TNS1: variants seen among roughly 807,000 people sequenced by gnomAD.
TNS1 encodes tensin-1.
TNS1 carries 62 observed loss-of-function variants against 168.6 expected under a neutral mutation model. The ratio of observed to expected loss-of-function variants is 0.37; its 90% CI spans 0.30 to 0.45. The LOEUF (loss-of-function observed/expected upper bound fraction) is 0.45. Among genes scored for constraint, TNS1 ranks in the 20% least tolerant of loss-of-function variants. The pLI, the probability that TNS1 is intolerant of heterozygous loss-of-function variation, is 1.00. For missense variants in TNS1, 2,240 were observed against 2,339.4 expected (o/e 0.96, Z 0.88); for synonymous variants, 934 against 933.2 (o/e 1.00, Z -0.02).
At chr2:217,893,811 C>T (rs1255975260) in intron 9 of TNS1, among the ~76,000 whole-genome samples, 1 of 152,236 alleles carries the variant, frequency 6.6e-6, no homozygotes, top group Non-Finnish European at 1.5e-5. Flanking sequence ...ACTGTGGGGC[C>T]TTAGGCCTCA....
rs1271757485 is a variant in TNS1, at chr2:217,800,807, A to T, written c.*3652T>A. ...GGTGGTGGACAAAAGTAGGAGTGAG[A>T]CTAAAAAGTGGGAGTGAGACTAGAT... is the stretch of plus-strand genomic sequence containing the variant. On this transcript the variant is annotated 3_prime_UTR_variant, in exon 33 of 33. Transcript: ENST00000682258. 2 of 152,008 alleles carry T rather than the reference A, an allele frequency of 1.3e-5. No individual in the cohort carries two copies. Among genetic ancestry groups the T allele is most frequent in the African/African-American group, 2.4e-5 (1 of 41,374 alleles). 9.4% of individuals were successfully genotyped at this position (152,008 alleles called of 1,614,324 possible).
At chr2:217,920,151 G>A (rs11883690) in intron 4 of TNS1, 44 bp downstream of exon 4, 1 of 702,876 alleles carries the variant, frequency 1.4e-6, no homozygotes, top group Non-Finnish European at 2.6e-6. Flanking sequence ...GCTGCGGAGG[G>A]AGAGGAGGCA....
chr2:217,842,222 A>C, intron 19 of TNS1: 1 of 636,658 alleles, frequency 1.6e-6, no homozygotes, highest in Non-Finnish European at 2.8e-6. Context: ...TGGTATGTAC[A>C]CGTCAACAAT....
chr2:217,886,537 C>G lies in TNS1; in HGVS notation c.976G>C (p.Gly326Arg). 6.3e-7 allele frequency: 1 copy of G among 1,593,848 alleles called. No individual in the cohort carries two copies. Among genetic ancestry groups the G allele is most frequent in the African/African-American group, 1.3e-5 (1 of 74,898 alleles). ...MHGIPNFESK[G>R]GCRPFLRIYQ... Reference sequence around the variant, plus strand: ...TCAGAGGGCTCAAGGCAGGTACCTCCTTTAGACTCAAAGTTGGGGATGCCG... The same window carrying G: ...TCAGAGGGCTCAAGGCAGGTACCTCGTTTAGACTCAAAGTTGGGGATGCCG... The change falls in exon 13 of 33, where the codon GGA (glycine) becomes CGA (arginine). Residue 326 changes from glycine (G) to arginine (R), a missense_variant. Around this residue, in one of 2 missense-constraint regions of TNS1, gnomAD observed 2,131 missense variants for 2,171.2 expected, o/e 0.98. Coordinates refer to ENST00000682258, the MANE Select transcript of TNS1 (RefSeq NM_001387777.1).
At chr2:217,826,806 C>T (rs1485620130) in intron 22 of TNS1, among the ~76,000 whole-genome samples, 2 of 152,190 alleles carry the variant, frequency 1.3e-5, no homozygotes, top group Non-Finnish European at 2.9e-5. Context: ...TGGCTGCTGG[C>T]GGTGAAGAGC....
intron 3 of TNS1, chr2:217,944,189 C>CCTTTAACCCCTGCAGTGCTCTG (rs1957042346): frequency 6.6e-6 from 1 of 152,452 alleles, no homozygotes; most frequent in Non-Finnish European, 1.5e-5. Context: ...GCCATGGCCT[C>CCTTTAACCCCTGCAGTGCTCTG]CTTTAACCCC....
chr2:217,830,297 A>G, intron 22 of TNS1: 1 of 1,601,416 alleles, frequency 6.2e-7, no homozygotes, highest in Non-Finnish European at 8.5e-7. Flanking sequence ...CCATGCCGAC[A>G]CTCTGAGTGG....
intron 1 of TNS1, among the ~76,000 whole-genome samples, chr2:218,002,247 G>T (rs1169092578): frequency 6.6e-6 from 1 of 152,200 alleles, no homozygotes. Flanking sequence ...GCGGGCCATG[G>T]CTCCCTCCTC....
chr2:218,013,255 CAA>C (rs34465614), upstream of TNS1, among the ~76,000 whole-genome samples: 27 of 132,592 alleles, frequency 2.0e-4, no homozygotes, highest in East Asian at 4.3e-4. Context: ...GACTCTATCT[CAA>C]AAAAAAAAAA....
chr2:217,824,255 G>A (rs1255746046), intron 22 of TNS1, among the ~76,000 whole-genome samples: 1 of 152,188 alleles, frequency 6.6e-6, no homozygotes, highest in African/African-American at 2.4e-5. Context: ...GCCCAGAGAG[G>A]TGGAGCCGTG....
upstream of TNS1, among the ~76,000 whole-genome samples, chr2:218,011,639 G>A (rs777553615): frequency 1.9e-4 from 29 of 152,094 alleles, no homozygotes; most frequent in Non-Finnish European, 3.4e-4. Flanking sequence ...GTGGGCGGAG[G>A]CCCTGAAAGT....
At chr2:217,864,397 T>C (rs1395129760) in intron 18 of TNS1, among the ~76,000 whole-genome samples, 1 of 152,200 alleles carries the variant, frequency 6.6e-6, no homozygotes, top group Non-Finnish European at 1.5e-5. Context: ...AAAGTGGATA[T>C]TGTTATGCCA....
intron 18 of TNS1, among the ~76,000 whole-genome samples, chr2:217,856,626 G>A (rs1250560592): frequency 6.6e-6 from 1 of 152,186 alleles, no homozygotes; most frequent in Non-Finnish European, 1.5e-5. Context: ...AAAGAGGGCA[G>A]GTGCCAAGTG....
At chr2:217,879,378 G>C (rs1950481771) in intron 18 of TNS1, 1 of 448,124 alleles carries the variant, frequency 2.2e-6, no homozygotes, top group African/African-American at 2.0e-5. Flanking sequence ...TGAAACCTCA[G>C]AACAAATTCG....
intron 13 of TNS1, 75 bp downstream of exon 13, chr2:217,886,459 T>C: frequency 1.6e-6 from 2 of 1,217,434 alleles, no homozygotes; most frequent in South Asian, 1.3e-5. Context: ...CTACCCAAGG[T>C]TGCCTCTTAG....
chr2:217,813,783 G>A lies in TNS1; in HGVS notation c.4763C>T (p.Ala1588Val). 1 of 1,613,702 alleles carries A rather than the reference G, an allele frequency of 6.2e-7. No individual in the cohort carries two copies. Among genetic ancestry groups the A allele is most frequent in the South Asian group, 1.1e-5 (1 of 91,028 alleles). ...IALLKDQEPG[A>V]FIIRDSHSFR... ...GGAGTGACTGTCGCGGATGATGAAG[G>A]CCCCCGGCTCCTGGTCCTTGAGGAG... Residue 1588 changes from alanine to valine, a missense_variant, in exon 26 of 33, where the codon GCC becomes GTC. Coordinates refer to ENST00000682258, the MANE Select transcript of TNS1 (RefSeq NM_001387777.1). The surrounding 1 kb of genome is among the most constrained non-coding windows in gnomAD (Gnocchi z 4.0).
chr2:217,906,072 C>T (rs1158036743), intron 6 of TNS1, among the ~76,000 whole-genome samples: 4 of 152,196 alleles, frequency 2.6e-5, no homozygotes. Flanking sequence ...TCATCACACA[C>T]CCTCTCTCCT....
intron 1 of TNS1, among the ~76,000 whole-genome samples, chr2:218,018,669 G>A (rs1428713099): frequency 1.3e-5 from 2 of 152,230 alleles, no homozygotes; most frequent in Admixed American, 1.3e-4. Context: ...CTGAGGATGT[G>A]AGGCGGGAGC....
intron 2 of TNS1, among the ~76,000 whole-genome samples, chr2:217,990,061 T>C (rs1958318408): frequency 2.0e-5 from 2 of 100,658 alleles, no homozygotes; most frequent in Admixed American, 1.0e-4. Context: ...TCAGCACACA[T>C]CATCCACACG....
Sources: gnomAD v4.1 joint callset for allele counts (sites outside exome capture counted in the v4.1 genomes callset) on GRCh38, gnomAD v4.1.1 for gene constraint, gnomAD v4.1.1 regional missense constraint, Gnocchi (gnomAD v3.1) non-coding constraint, MANE v1.5 for transcripts, NCBI Gene and HGNC (gene_info 2026-07-23, HGNC 2026-07-21) for gene names.